LINGO2: variants seen among roughly 807,000 people sequenced by gnomAD.
The protein encoded by LINGO2 is leucine rich repeat and Ig domain containing 2.
In LINGO2, 14 loss-of-function variants were observed where a neutral mutation model predicts 30.6. The observed-to-expected ratio is 0.46, with a 90% CI of 0.30 to 0.72. The LOEUF (loss-of-function observed/expected upper bound fraction) is 0.72. Ranked by LOEUF, LINGO2 falls within the 30% of genes least tolerant of loss-of-function variation. LINGO2 has a pLI of 0.07. For missense variants in LINGO2, 729 were observed against 751.7 expected, an observed-to-expected ratio of 0.97 and a Z score of 0.35; for synonymous variants, 317 against 288.5, an observed-to-expected ratio of 1.10 and a Z score of -1.00.
chr9:28,637,348 T>C (rs150495015), intron 1 of LINGO2, among the ~76,000 whole-genome samples: 8 of 152,292 alleles, frequency 5.3e-5, no homozygotes, highest in Non-Finnish European at 1.2e-4. Flanking sequence ...GTTTTGCCAA[T>C]TCTGTGAAAA....
At chr9:28,384,943 G>T (rs1273386464) in intron 2 of LINGO2, among the ~76,000 whole-genome samples, 1 of 151,912 alleles carries the variant, frequency 6.6e-6, no homozygotes, top group East Asian at 1.9e-4. Context: ...ATCCAATGTT[G>T]CCCTCAAAAA....
At chr9:28,785,416 T>C in the LINGO2 span, among the ~76,000 whole-genome samples, 4 of 152,174 alleles carry the variant, frequency 2.6e-5, no homozygotes, top group Non-Finnish European at 4.4e-5. Flanking sequence ...TAGCCACCCA[T>C]GATTTCTCCA....
chr9:28,156,794 C>T (rs999842079), intron 4 of LINGO2, among the ~76,000 whole-genome samples: 2 of 152,216 alleles, frequency 1.3e-5, no homozygotes, highest in African/African-American at 4.8e-5. Context: ...CCACAGGCCC[C>T]ATGGCAGTCT....
intron 4 of LINGO2, among the ~76,000 whole-genome samples, chr9:28,100,955 T>G (rs1210912667): frequency 3.9e-5 from 6 of 152,128 alleles, no homozygotes; most frequent in Non-Finnish European, 7.3e-5. Flanking sequence ...GGTCAATATA[T>G]GAGTAAATGA....
intron 3 of LINGO2, among the ~76,000 whole-genome samples, chr9:28,339,694 T>C (rs1825704493): frequency 1.3e-5 from 2 of 152,170 alleles, no homozygotes; most frequent in Admixed American, 1.3e-4. Flanking sequence ...AATTTTTACT[T>C]TAATTATCAT....
At position 28,536,505 on chromosome 9, in the gene LINGO2, C is replaced by A. The variant is rs200563216; in HGVS notation, c.-364-60480G>T. On this transcript the variant is annotated intron_variant, in intron 1 of 5. Coordinates refer to ENST00000379992, the Ensembl canonical transcript of LINGO2. ...TGCATGAATGAAGACAGCCCCTTAC[C>A]CATAGCCAGTCGCTTGAGAGAAACT... 5.9e-5 allele frequency among the ~76,000 whole-genome samples: 9 copies of A among 152,122 alleles called. No individual in the cohort carries two copies. In the East Asian group the frequency reaches 1.7e-3, roughly 30 times the overall value.
the LINGO2 span, among the ~76,000 whole-genome samples, chr9:28,996,649 T>C: frequency 6.6e-6 from 1 of 152,308 alleles, no homozygotes; most frequent in African/African-American, 2.4e-5. Flanking sequence ...TTGATGTTTG[T>C]TAGATGTTTG....
intron 1 of LINGO2, among the ~76,000 whole-genome samples, chr9:28,571,709 G>A (rs1057115251): frequency 6.6e-6 from 1 of 151,708 alleles, no homozygotes; most frequent in Non-Finnish European, 1.5e-5. Context: ...AAATGTCCTA[G>A]TTTATTTACT....
At chr9:28,133,081 A>C (rs1278552450) in intron 4 of LINGO2, among the ~76,000 whole-genome samples, 1 of 152,202 alleles carries the variant, frequency 6.6e-6, no homozygotes, top group Non-Finnish European at 1.5e-5. Flanking sequence ...TTTGCCTATT[A>C]TATCAAACCA....
At chr9:28,700,244 G>A in the LINGO2 span, among the ~76,000 whole-genome samples, 6 of 151,898 alleles carry the variant, frequency 4.0e-5, no homozygotes, top group African/African-American at 1.5e-4. Flanking sequence ...AATGTAAAGA[G>A]CCTACATTGA....
In LINGO2 at chr9:28,045,154, C is replaced by A. The variant is rs544508794; in HGVS notation, c.-86-32749G>T. The stretch of plus-strand genomic sequence containing the variant: ...CACATAAGCCATTTTCCGGTCCATT[C>A]CCACCACTACCCCTCCAAAAAAAAC... On this transcript the variant is annotated intron_variant, in intron 4 of 5. Transcript: ENST00000379992. Among the ~76,000 whole-genome samples, 278 of 152,046 alleles carry A rather than the reference C, an allele frequency of 1.8e-3. 1 individual carries two copies. The highest frequency in any genetic ancestry group is 5.3e-3 in the African/African-American group (219 of 41,486).
intron 4 of LINGO2, among the ~76,000 whole-genome samples, chr9:28,183,953 T>A (rs1172304487): frequency 1.3e-5 from 2 of 152,228 alleles, no homozygotes; most frequent in African/African-American, 4.8e-5. Context: ...CAATCAATCA[T>A]GAGGCTTGTA....
the LINGO2 span, among the ~76,000 whole-genome samples, chr9:28,979,596 T>A: frequency 6.6e-6 from 1 of 152,110 alleles, no homozygotes; most frequent in African/African-American, 2.4e-5. Flanking sequence ...TTTCAATAGA[T>A]TTGTATGCTG....
intron 3 of LINGO2, among the ~76,000 whole-genome samples, chr9:28,341,155 A>G (rs544774320): frequency 6.6e-6 from 1 of 152,236 alleles, no homozygotes; most frequent in South Asian, 2.1e-4. Context: ...TAACCAATTC[A>G]ATAGATATGC....
intron 2 of LINGO2, among the ~76,000 whole-genome samples, chr9:28,424,682 C>G (rs138429445): frequency 0.011 from 1,728 of 152,272 alleles, 13 homozygotes; most frequent in Non-Finnish European, 0.018. Flanking sequence ...TTAATTACTA[C>G]TTTTTGTCCT....
the LINGO2 span, among the ~76,000 whole-genome samples, chr9:28,709,956 A>G: frequency 1.3e-5 from 2 of 151,896 alleles, no homozygotes; most frequent in South Asian, 2.1e-4. Flanking sequence ...TCCAGAGGCT[A>G]TATTTTATGC....
the LINGO2 span, among the ~76,000 whole-genome samples, chr9:28,943,177 T>C: frequency 6.6e-6 from 1 of 152,310 alleles, no homozygotes; most frequent in African/African-American, 2.4e-5. Flanking sequence ...GCTAGTGTCA[T>C]AGTCAAAACA....
At chr9:29,002,881 C>T in the LINGO2 span, among the ~76,000 whole-genome samples, 1 of 151,958 alleles carries the variant, frequency 6.6e-6, no homozygotes, top group Non-Finnish European at 1.5e-5. Flanking sequence ...GGTCCAAATC[C>T]AAATCCTTGC....
chr9:28,984,103 C>T, the LINGO2 span, among the ~76,000 whole-genome samples: 2 of 152,040 alleles, frequency 1.3e-5, no homozygotes, highest in Non-Finnish European at 2.9e-5. Flanking sequence ...TCATTTTATC[C>T]TCCCAAAGAA....
Sources: allele counts gnomAD v4.1 joint callset (sites outside exome capture counted in the v4.1 genomes callset), GRCh38; gene constraint gnomAD v4.1.1; transcripts MANE v1.5; gene names NCBI Gene and HGNC (gene_info 2026-07-23, HGNC 2026-07-21).